The following PLXNA4 variants were observed in gnomAD, a reference collection of about 807,000 sequenced individuals.
The protein encoded by PLXNA4 is plexin-A4.
A neutral mutation model predicts 191.8 loss-of-function variants in PLXNA4; 44 were observed. That is an observed-to-expected ratio of 0.23 (90% CI 0.18 to 0.29). PLXNA4 has a LOEUF of 0.29. Among genes scored for constraint, PLXNA4 ranks in the 10% least tolerant of loss-of-function variants. PLXNA4 has a pLI of 1.00. For missense variants in PLXNA4, 1,800 were observed against 2,488.8 expected (o/e 0.72, Z 5.89); for synonymous variants, 1,082 against 1,009.5 (o/e 1.07, Z -1.36).
intron 3 of PLXNA4, among the ~76,000 whole-genome samples, chr7:132,418,243 T>C (rs1296549556): frequency 6.6e-6 from 1 of 152,170 alleles, no homozygotes; most frequent in Admixed American, 6.5e-5. Flanking sequence ...AAGGTTCTCC[T>C]CTCCATCCAT....
rs542730549 is a variant in PLXNA4 at position 132,558,745 on chromosome 7, T to C, written c.-87+17677A>G. Among the ~76,000 whole-genome samples the C allele has an allele frequency of 4.1e-4, 62 of 152,380 alleles. No individual in the cohort carries two copies. In the South Asian group the frequency reaches 5.2e-3, roughly 13 times the overall value. ...ATGCACATGGCCAGTACCCCGCCTCTTTCGCCTTTGCCTGCTTTCTTAGAT... is the reference window on the plus strand; with the variant it reads ...ATGCACATGGCCAGTACCCCGCCTCCTTCGCCTTTGCCTGCTTTCTTAGAT... On this transcript the variant is annotated intron_variant, in intron 1 of 31. Transcript: ENST00000321063.
intron 3 of PLXNA4, among the ~76,000 whole-genome samples, chr7:132,373,417 T>G (rs1183346278): frequency 6.6e-6 from 1 of 152,180 alleles, no homozygotes; most frequent in Non-Finnish European, 1.5e-5. Context: ...CAGGCCTCCG[T>G]AGCTCTGGAT....
chr7:132,427,787 G>A (rs898707728), intron 3 of PLXNA4, among the ~76,000 whole-genome samples: 1 of 152,168 alleles, frequency 6.6e-6, no homozygotes, highest in Non-Finnish European at 1.5e-5. Context: ...CATGCACTAC[G>A]TGCTTCATAC....
At chr7:132,397,267 T>G (rs1793806164) in intron 3 of PLXNA4, among the ~76,000 whole-genome samples, 1 of 152,228 alleles carries the variant, frequency 6.6e-6, no homozygotes, top group Non-Finnish European at 1.5e-5. Context: ...GTTTGTTGAA[T>G]TATGCATCAG....
In PLXNA4 at chr7:132,123,850, T is replaced by TTCTC. The variant is rs1794700532; in HGVS notation, c.*6625_*6628dup. ...CCACCCTTCCATCCTGTTTCTCCCC[T>TTCTC]TCTCTAGCATTTGAAGCTCAACTCT... On this transcript the variant is annotated 3_prime_UTR_variant, in exon 32 of 32. Coordinates refer to ENST00000321063, the MANE Select transcript of PLXNA4 (RefSeq NM_020911.2). The TTCTC allele has an allele frequency of 6.6e-6, 1 of 152,372 alleles. No homozygotes were observed. Among genetic ancestry groups the TTCTC allele is most frequent in the African/African-American group, 2.4e-5 (1 of 41,460 alleles). 9.4% of individuals were successfully genotyped at this position (152,372 alleles called of 1,614,324 possible).
At chr7:132,492,326 C>T (rs1333816236) in intron 2 of PLXNA4, among the ~76,000 whole-genome samples, 1 of 152,262 alleles carries the variant, frequency 6.6e-6, no homozygotes, top group African/African-American at 2.4e-5. Flanking sequence ...TTCCCCTTGG[C>T]TGGGCACGAC....
chr7:132,579,438 C>CGTGTGTGT (rs113591004), upstream of PLXNA4, among the ~76,000 whole-genome samples: 2 of 145,412 alleles, frequency 1.4e-5, no homozygotes, highest in Admixed American at 6.9e-5. Context: ...TGTGTGTGTG[C>CGTGTGTGT]GTGTGTGTGT....
chr7:132,259,870 A>G (rs1367081419), intron 4 of PLXNA4, among the ~76,000 whole-genome samples: 1 of 152,250 alleles, frequency 6.6e-6, no homozygotes, highest in Non-Finnish European at 1.5e-5. Flanking sequence ...AAAGAAGCCA[A>G]TCTGAAAAGC....
intron 1 of PLXNA4, among the ~76,000 whole-genome samples, chr7:132,510,542 C>T (rs1798673306): frequency 6.6e-6 from 1 of 152,280 alleles, no homozygotes; most frequent in East Asian, 1.9e-4. Flanking sequence ...TCAACGAATG[C>T]GTAGTCAAAT....
At chr7:132,373,453 A>C (rs1376176579) in intron 3 of PLXNA4, among the ~76,000 whole-genome samples, 2 of 152,172 alleles carry the variant, frequency 1.3e-5, no homozygotes, top group African/African-American at 4.8e-5. Context: ...AAACCAGCAG[A>C]GTGGCAGCTG....
intron 1 of PLXNA4, among the ~76,000 whole-genome samples, chr7:132,518,647 C>T (rs970467546): frequency 5.3e-5 from 8 of 152,224 alleles, no homozygotes; most frequent in African/African-American, 9.6e-5. Context: ...AGCTCAGCTA[C>T]GCGGGGCTCC....
At chr7:132,389,116 G>GT (rs988527187) in intron 3 of PLXNA4, among the ~76,000 whole-genome samples, 9 of 152,040 alleles carry the variant, frequency 5.9e-5, no homozygotes, top group East Asian at 1.9e-4. Context: ...TGATTGGGTT[G>GT]TTTTTTTTCT....
At chr7:132,449,871 T>A (rs1055985916) in intron 3 of PLXNA4, among the ~76,000 whole-genome samples, 2 of 152,218 alleles carry the variant, frequency 1.3e-5, no homozygotes, top group Non-Finnish European at 2.9e-5. Context: ...TCTCTGAGAA[T>A]CTTCTCAAAT....
chr7:132,556,147 T>C (rs984499683), intron 1 of PLXNA4, among the ~76,000 whole-genome samples: 2 of 152,218 alleles, frequency 1.3e-5, no homozygotes, highest in Non-Finnish European at 2.9e-5. Context: ...GAAATAAACT[T>C]GTAAGAGTTA....
chr7:132,487,708 G>A (rs1325449377), intron 3 of PLXNA4, among the ~76,000 whole-genome samples: 3 of 152,160 alleles, frequency 2.0e-5, no homozygotes, highest in Non-Finnish European at 4.4e-5. Context: ...AGTGATGAGT[G>A]GCCAAGTGCA....
intron 3 of PLXNA4, among the ~76,000 whole-genome samples, chr7:132,353,640 A>T (rs1478112487): frequency 6.6e-6 from 1 of 152,194 alleles, no homozygotes; most frequent in Non-Finnish European, 1.5e-5. Context: ...ACAAAACAAA[A>T]CAAAAAAACA....
intron 3 of PLXNA4, among the ~76,000 whole-genome samples, chr7:132,376,070 G>A (rs1280609206): frequency 6.6e-6 from 1 of 152,160 alleles, no homozygotes; most frequent in African/African-American, 2.4e-5. Flanking sequence ...ATTTGGAACA[G>A]CCCCACCTGT....
At chr7:132,510,978 A>C (rs1262252022) in intron 1 of PLXNA4, among the ~76,000 whole-genome samples, 1 of 152,198 alleles carries the variant, frequency 6.6e-6, no homozygotes, top group Non-Finnish European at 1.5e-5. Flanking sequence ...GGAAAAGAGC[A>C]AAGGCCCCCA....
At chr7:132,317,363 T>C (rs1280235018) in intron 3 of PLXNA4, among the ~76,000 whole-genome samples, 1 of 151,910 alleles carries the variant, frequency 6.6e-6, no homozygotes. Context: ...TTGGGTTGTG[T>C]TGGGTTGTAT....
Sources: gnomAD v4.1 joint callset for allele counts (sites outside exome capture counted in the v4.1 genomes callset) on GRCh38, gnomAD v4.1.1 for gene constraint, MANE v1.5 for transcripts, NCBI Gene and HGNC (gene_info 2026-07-23, HGNC 2026-07-21) for gene names.